GALNT10: variants seen among roughly 807,000 people sequenced by gnomAD.
The protein encoded by GALNT10 is GalNAc transferase 10.
GALNT10 carries 41 observed loss-of-function variants against 75.0 expected under a neutral mutation model. The ratio of observed to expected loss-of-function variants is 0.55; its 90% CI spans 0.43 to 0.71. The LOEUF (loss-of-function observed/expected upper bound fraction) is 0.71. Among genes scored for constraint, GALNT10 ranks in the 30% least tolerant of loss-of-function variants. The probability of loss-of-function intolerance (pLI) is 0.00; values close to 1 mark genes in which losing one functional copy is unlikely to be tolerated. For synonymous variants in GALNT10, 302 were observed against 313.0 expected (o/e 0.96, Z 0.37); for missense variants, 727 against 818.5 (o/e 0.89, Z 1.36).
At position 154,315,635 on chromosome 5, in the gene GALNT10, A is replaced by G. The variant is rs373145009; in HGVS notation, c.402-13937A>G. ...TCTTGCAAGGCCATTGACCCCTGGCAAGTCAATGGATTGGCGGCCCTGAGT... is the reference window on the plus strand; with the variant it reads ...TCTTGCAAGGCCATTGACCCCTGGCGAGTCAATGGATTGGCGGCCCTGAGT... On this transcript the variant is annotated intron_variant, in intron 3 of 11. Coordinates refer to ENST00000297107, the MANE Select transcript of GALNT10 (RefSeq NM_198321.4). Among the ~76,000 whole-genome samples, 5 of 152,358 alleles carry G rather than the reference A, an allele frequency of 3.3e-5. No individual in the cohort carries two copies. In the East Asian group the frequency reaches 5.8e-4, roughly 18 times the overall value.
intron 6 of GALNT10, 126 bp from the exon 7 acceptor site, chr5:154,386,187 G>C: frequency 1.5e-6 from 1 of 669,222 alleles, no homozygotes; most frequent in Non-Finnish European, 2.6e-6. Flanking sequence ...TTCCCTGGAA[G>C]ACACTTGGAC....
intron 1 of GALNT10, among the ~76,000 whole-genome samples, chr5:154,265,358 T>C (rs528507202): frequency 5.5e-4 from 84 of 152,296 alleles, no homozygotes; most frequent in Admixed American, 3.7e-3. Context: ...TTCAATTTCC[T>C]GATGCTGACA....
At chr5:154,375,285 A>C (rs1400742545) in intron 4 of GALNT10, among the ~76,000 whole-genome samples, 1 of 152,228 alleles carries the variant, frequency 6.6e-6, no homozygotes, top group East Asian at 1.9e-4. Flanking sequence ...AGAGGAGGAA[A>C]GCATTCCACA....
chr5:154,409,602 G>C lies in GALNT10; in HGVS notation c.1226G>C (p.Arg409Pro), dbSNP rs764097403. ...DEYAEYIYQR[R>P]PEYRHLSAGD... The stretch of plus-strand genomic sequence containing the variant: ...TACGCAGAGTACATTTACCAGCGCC[G>C]GCCTGAATACCGCCACCTCTCCGCT... Residue 409 changes from arginine to proline, a missense_variant, in exon 9 of 12, where the codon CGG becomes CCG. By Grantham distance (103) the Arg-to-Pro change is moderately radical. Transcript: ENST00000297107. This position sits in a 1 kb window ranked among gnomAD's most constrained non-coding sequence, Gnocchi z 4.5. 6.2e-7 allele frequency: 1 copy of C among 1,614,022 alleles called. No homozygotes were observed. The highest frequency in any genetic ancestry group is 1.1e-5 in the South Asian group (1 of 91,078).
intron 9 of GALNT10, among the ~76,000 whole-genome samples, chr5:154,411,236 A>C (rs540592653): frequency 6.6e-6 from 1 of 152,212 alleles, no homozygotes; most frequent in Admixed American, 6.5e-5. Flanking sequence ...CAGGGCTTCA[A>C]ATGATGTCAG....
At chr5:154,366,790 G>A (rs1157376406) in intron 4 of GALNT10, among the ~76,000 whole-genome samples, 1 of 152,194 alleles carries the variant, frequency 6.6e-6, no homozygotes, top group African/African-American at 2.4e-5. Context: ...ATCTATTGAG[G>A]TAAGCAATGC....
intron 1 of GALNT10, among the ~76,000 whole-genome samples, chr5:154,247,310 T>G (rs1385150080): frequency 2.0e-5 from 3 of 152,182 alleles, no homozygotes. Context: ...TTTGGGTCCA[T>G]ATGAACTTTA....
rs1756420584 is a variant in GALNT10, at chr5:154,412,565, A to T, written c.1387-324A>T. Reference sequence around the variant, plus strand: ...AATGGGGGTAAAATCTGGTTCCTGGACCTGTCGGTTCAATTTCTCCAGGAG... The same window carrying T: ...AATGGGGGTAAAATCTGGTTCCTGGTCCTGTCGGTTCAATTTCTCCAGGAG... On this transcript the variant is annotated intron_variant, in intron 9 of 11. Transcript: ENST00000297107. The surrounding 1 kb of genome is among the most constrained non-coding windows in gnomAD (Gnocchi z 4.2). The T allele has an allele frequency of 1.3e-5, 4 of 304,288 alleles. No homozygotes were observed. The highest frequency in any genetic ancestry group is 1.2e-4 in the South Asian group (4 of 33,808). The allele number at this position is 304,288 out of a possible 1,614,324, so 18.8% of individuals were successfully genotyped here. A position where few individuals can be genotyped will look rare whatever the true frequency, so the allele number is the denominator to read the frequency against.
intron 1 of GALNT10, among the ~76,000 whole-genome samples, chr5:154,238,058 A>G (rs1561637342): frequency 6.6e-6 from 1 of 152,218 alleles, no homozygotes; most frequent in African/African-American, 2.4e-5. Context: ...GTTGGGTACC[A>G]GGGTTGTGGA....
chr5:154,238,890 C>T (rs1312385634), intron 1 of GALNT10, among the ~76,000 whole-genome samples: 3 of 152,172 alleles, frequency 2.0e-5, no homozygotes, highest in Non-Finnish European at 2.9e-5. Context: ...ACCAAGTGTT[C>T]GGCAAACTTT....
intron 1 of GALNT10, among the ~76,000 whole-genome samples, chr5:154,259,563 A>C (rs1265731657): frequency 2.0e-5 from 3 of 152,198 alleles, no homozygotes; most frequent in Non-Finnish European, 4.4e-5. Flanking sequence ...AGTGTAGCAA[A>C]GAAAACAGGT....
chr5:154,358,763 G>A (rs1755336102), intron 4 of GALNT10, among the ~76,000 whole-genome samples: 1 of 152,102 alleles, frequency 6.6e-6, no homozygotes, highest in South Asian at 2.1e-4. Context: ...CAACAGACAC[G>A]ACGCTGAGGG....
At chr5:154,361,288 C>T (rs757016262) in intron 4 of GALNT10, among the ~76,000 whole-genome samples, 36 of 150,542 alleles carry the variant, frequency 2.4e-4, no homozygotes, top group South Asian at 1.5e-3. Flanking sequence ...GGAGTCAACC[C>T]GGCCTGGATT....
chr5:154,333,452 G>A (rs972093490), intron 4 of GALNT10, among the ~76,000 whole-genome samples: 7 of 152,084 alleles, frequency 4.6e-5, no homozygotes, highest in East Asian at 1.9e-4. Context: ...ACTTTTTGCC[G>A]AAAAGAATTC....
In GALNT10 at chr5:154,387,520, G is replaced by A. The variant is rs549265790; in HGVS notation, c.1056+1090G>A. 8 of 152,346 alleles carry A rather than the reference G, an allele frequency of 5.3e-5. No homozygotes were observed. In the East Asian group the frequency reaches 1.5e-3, roughly 29 times the overall value. 9.4% of individuals were successfully genotyped at this position (152,346 alleles called of 1,614,324 possible). The stretch of plus-strand genomic sequence containing the variant: ...GCAAAGGACCATTGTCAGGCACAGT[G>A]AATTAAGGCTTTGGTATTGGTGCCA... On this transcript the variant is annotated intron_variant, in intron 7 of 11. Transcript: ENST00000297107.
At chr5:154,400,880 G>A (rs896231235) in intron 7 of GALNT10, among the ~76,000 whole-genome samples, 2 of 152,156 alleles carry the variant, frequency 1.3e-5, no homozygotes, top group African/African-American at 4.8e-5. Flanking sequence ...ACATTCTGAA[G>A]TGATGGGCGT....
intron 10 of GALNT10, among the ~76,000 whole-genome samples, chr5:154,414,102 A>G (rs1756455569): frequency 6.6e-6 from 1 of 152,236 alleles, no homozygotes; most frequent in South Asian, 2.1e-4. Context: ...TCCAGCACAC[A>G]CCTATTAAAA....
chr5:154,247,081 T>G lies in GALNT10; in HGVS notation c.160-47735T>G, dbSNP rs190901136. 2.8e-3 allele frequency among the ~76,000 whole-genome samples: 424 copies of G among 152,328 alleles called. 1 individual carries two copies. The highest frequency in any genetic ancestry group is 9.7e-3 in the African/African-American group (404 of 41,574). The stretch of plus-strand genomic sequence containing the variant: ...TTAAATAGGGAATGCTTTCCCCATT[T>G]CTTGTTTTTGTCAGGTTTGTCAAAG... On this transcript the variant is annotated intron_variant, in intron 1 of 11. Transcript: ENST00000297107.
chr5:154,228,922 G>A (rs139133309), intron 1 of GALNT10, among the ~76,000 whole-genome samples: 17 of 152,292 alleles, frequency 1.1e-4, no homozygotes, highest in African/African-American at 1.7e-4. Flanking sequence ...TTTCTTGCAA[G>A]TTTGTCCATG....
Sources: allele counts gnomAD v4.1 joint callset (sites outside exome capture counted in the v4.1 genomes callset), GRCh38; gene constraint gnomAD v4.1.1; non-coding constraint Gnocchi (gnomAD v3.1); transcripts MANE v1.5; gene names NCBI Gene and HGNC (gene_info 2026-07-23, HGNC 2026-07-21).